The following AUTS2 variants were observed in gnomAD, a reference collection of about 807,000 sequenced individuals.
AUTS2 encodes the protein autism susceptibility gene 2 protein.
AUTS2 carries 17 observed loss-of-function variants against 112.4 expected under a neutral mutation model. The observed-to-expected ratio is 0.15, with a 90% CI of 0.10 to 0.23. The LOEUF (loss-of-function observed/expected upper bound fraction) is 0.23. Ranked by LOEUF, AUTS2 falls within the 10% of genes least tolerant of loss-of-function variation. The pLI, the probability that AUTS2 is intolerant of heterozygous loss-of-function variation, is 1.00. For synonymous variants in AUTS2, 751 were observed against 702.7 expected (o/e 1.07, Z -1.09); for missense variants, 1,510 against 1,701.6 (o/e 0.89, Z 1.98).
At chr7:70,094,583 C>T (rs976920616) in intron 2 of AUTS2, among the ~76,000 whole-genome samples, 1 of 152,214 alleles carries the variant, frequency 6.6e-6, no homozygotes, top group African/African-American at 2.4e-5. Flanking sequence ...TCATAAGATA[C>T]TGCTACAGCT....
intron 4 of AUTS2, among the ~76,000 whole-genome samples, chr7:70,252,853 C>T (rs745694641): frequency 2.0e-5 from 3 of 152,048 alleles, no homozygotes; most frequent in Non-Finnish European, 4.4e-5. Context: ...ATCTTTTCTC[C>T]ATTGTGTGCT....
At chr7:70,588,321 A>C (rs1802778604) in intron 5 of AUTS2, among the ~76,000 whole-genome samples, 2 of 152,200 alleles carry the variant, frequency 1.3e-5, no homozygotes. Flanking sequence ...CTGGACAAAA[A>C]TCAGACTCTT....
chr7:70,664,624 T>G (rs1400053250), intron 5 of AUTS2, among the ~76,000 whole-genome samples: 1 of 152,178 alleles, frequency 6.6e-6, no homozygotes, highest in East Asian at 1.9e-4. Flanking sequence ...AACAAGCACT[T>G]TCTTCCAGAA....
intron 5 of AUTS2, among the ~76,000 whole-genome samples, chr7:70,601,664 T>C (rs1043876360): frequency 2.0e-5 from 3 of 151,986 alleles, no homozygotes; most frequent in African/African-American, 7.3e-5. Context: ...ACTGGGAATG[T>C]TGAGAGGAAG....
chr7:70,540,316 C>A (rs1315983590), intron 5 of AUTS2, among the ~76,000 whole-genome samples: 1 of 152,120 alleles, frequency 6.6e-6, no homozygotes, highest in South Asian at 2.1e-4. Flanking sequence ...GGGCAGCTAC[C>A]CCCCTAGCAG....
chr7:69,639,961 T>G (rs1794728695), intron 1 of AUTS2, among the ~76,000 whole-genome samples: 1 of 152,212 alleles, frequency 6.6e-6, no homozygotes, highest in Non-Finnish European at 1.5e-5. Flanking sequence ...CTCTTAATTT[T>G]AACCTAGATT....
intron 1 of AUTS2, among the ~76,000 whole-genome samples, chr7:69,836,651 C>G (rs991735439): frequency 2.0e-5 from 3 of 152,132 alleles, no homozygotes; most frequent in African/African-American, 7.2e-5. Context: ...AGTCACCAGA[C>G]TAAACTCCTC....
At chr7:70,393,432 C>G (rs914805585) in intron 4 of AUTS2, among the ~76,000 whole-genome samples, 2 of 152,048 alleles carry the variant, frequency 1.3e-5, no homozygotes, top group African/African-American at 4.8e-5. Flanking sequence ...CTAGTTTGTC[C>G]TGGACACAGT....
chr7:70,191,087 A>G (rs184708758), intron 4 of AUTS2, among the ~76,000 whole-genome samples: 25 of 151,668 alleles, frequency 1.6e-4, no homozygotes, highest in East Asian at 9.7e-4. Flanking sequence ...ACTAAATTCA[A>G]TTTCAGATAT....
chr7:69,626,129 T>C (rs1191582128), intron 1 of AUTS2, among the ~76,000 whole-genome samples: 2 of 152,080 alleles, frequency 1.3e-5, no homozygotes, highest in African/African-American at 4.8e-5. Flanking sequence ...GGGAACCTTG[T>C]AGCTGCATGG....
chr7:69,909,107 A>C (rs1010440084), intron 2 of AUTS2, among the ~76,000 whole-genome samples: 69 of 152,354 alleles, frequency 4.5e-4, no homozygotes, highest in African/African-American at 1.7e-3. Flanking sequence ...CTTGGGAAGA[A>C]TCATAAAATT....
At chr7:69,783,792 A>G (rs1789246761) in intron 1 of AUTS2, among the ~76,000 whole-genome samples, 1 of 152,186 alleles carries the variant, frequency 6.6e-6, no homozygotes, top group Non-Finnish European at 1.5e-5. Flanking sequence ...TTTATCCAGA[A>G]TTTAAGAACG....
At chr7:69,913,589 A>G (rs750329405) in intron 2 of AUTS2, among the ~76,000 whole-genome samples, 1 of 152,156 alleles carries the variant, frequency 6.6e-6, no homozygotes, top group Non-Finnish European at 1.5e-5. Flanking sequence ...AACCACTGCT[A>G]TCCTTTACTC....
At chr7:69,959,786 A>T (rs2129546832) in intron 2 of AUTS2, among the ~76,000 whole-genome samples, 1 of 152,300 alleles carries the variant, frequency 6.6e-6, no homozygotes, top group Non-Finnish European at 1.5e-5. Flanking sequence ...CTAGTACATA[A>T]TAACCTTTGG....
rs1804557286 is a variant in AUTS2 at position 70,102,576 on chromosome 7, G to A, written c.523-15556G>A. Among the ~76,000 whole-genome samples, 2 of 151,868 alleles carry A rather than the reference G, an allele frequency of 1.3e-5. 1 individual carries two copies. Among genetic ancestry groups the A allele is most frequent in the African/African-American group, 4.8e-5 (2 of 41,332 alleles). ...GTACGTATATGTATTGTAGGTATAA[G>A]CACTGGAATTTAGCAGAGCTTTTTA... On this transcript the variant is annotated intron_variant, in intron 2 of 18. Transcript: ENST00000342771.
At chr7:70,294,648 G>A (rs1034813181) in intron 4 of AUTS2, among the ~76,000 whole-genome samples, 10 of 152,160 alleles carry the variant, frequency 6.6e-5, no homozygotes, top group African/African-American at 2.4e-4. Flanking sequence ...TTCTTGCTCA[G>A]CACCATTCGG....
At chr7:70,455,521 C>T (rs1176794578) in intron 5 of AUTS2, among the ~76,000 whole-genome samples, 1 of 152,182 alleles carries the variant, frequency 6.6e-6, no homozygotes, top group East Asian at 1.9e-4. Flanking sequence ...CGGGACTTCC[C>T]AGCAGCTGAG....
chr7:69,827,800 G>A (rs974958600), intron 1 of AUTS2, among the ~76,000 whole-genome samples: 5 of 152,202 alleles, frequency 3.3e-5, no homozygotes, highest in African/African-American at 1.2e-4. Flanking sequence ...TTGATGGGAT[G>A]TCTCTATGAC....
chr7:69,934,101 G>A (rs1170380991), intron 2 of AUTS2, among the ~76,000 whole-genome samples: 6 of 152,156 alleles, frequency 3.9e-5, no homozygotes, highest in South Asian at 2.1e-4. Flanking sequence ...ATCCTGGAGC[G>A]AAACTCATAT....
Sources: allele counts gnomAD v4.1 joint callset (sites outside exome capture counted in the v4.1 genomes callset), GRCh38; gene constraint gnomAD v4.1.1; transcripts MANE v1.5; gene names NCBI Gene and HGNC (gene_info 2026-07-23, HGNC 2026-07-21).